Variants in DOCK3 observed in about 807,000 individuals in gnomAD.
The protein encoded by DOCK3 is dedicator of cytokinesis 3.
Under a neutral mutation model 265.6 loss-of-function variants are expected in DOCK3, and 60 were observed. The observed-to-expected ratio is 0.23, with a 90% confidence interval of 0.18 to 0.28. The LOEUF is 0.28. DOCK3 is among the 10% of genes least tolerant of loss of function. The pLI is 1.00. For synonymous variants in DOCK3, 881 were observed against 938.0 expected (o/e 0.94, Z 1.11); for missense variants, 1,981 against 2,594.3 (o/e 0.76, Z 5.14).
chr3:51,361,794 C>A lies in DOCK3; in HGVS notation c.5007-65C>A. 1 of 1,565,424 alleles carries A rather than the reference C, an allele frequency of 6.4e-7. No individual in the cohort carries two copies. Among genetic ancestry groups the A allele is most frequent in the Non-Finnish European group, 8.7e-7 (1 of 1,155,148 alleles). On this transcript the variant is annotated intron_variant, in intron 47 of 52. Transcript: ENST00000266037. The surrounding 1 kb of genome is among the most constrained non-coding windows in gnomAD (Gnocchi z 4.2). The stretch of plus-strand genomic sequence containing the variant: ...AGGGATGACTATTCCACACATTCCG[C>A]TCTACTGTCCCCCTGCCACCTGCCA...
intron 5 of DOCK3, among the ~76,000 whole-genome samples, chr3:51,037,042 A>G (rs1245614251): frequency 6.6e-6 from 1 of 152,126 alleles, no homozygotes; most frequent in Non-Finnish European, 1.5e-5. Context: ...CTTTATCAGC[A>G]CCTTGAAAAT....
At chr3:50,831,680 C>T (rs1295440123) in intron 2 of DOCK3, among the ~76,000 whole-genome samples, 1 of 152,118 alleles carries the variant, frequency 6.6e-6, no homozygotes, top group Non-Finnish European at 1.5e-5. Context: ...AATAGTGCTG[C>T]AATAAACATA....
At chr3:51,159,011 A>G (rs1180631135) in intron 10 of DOCK3, among the ~76,000 whole-genome samples, 1 of 152,226 alleles carries the variant, frequency 6.6e-6, no homozygotes, top group African/African-American at 2.4e-5. Flanking sequence ...TTATTTGTTA[A>G]GTGGTCTAAA....
intron 2 of DOCK3, among the ~76,000 whole-genome samples, chr3:50,822,313 G>A (rs1454743765): frequency 2.0e-5 from 3 of 152,120 alleles, no homozygotes; most frequent in African/African-American, 7.2e-5. Context: ...CAGCCTGGAT[G>A]TTATTGGTGT....
Position 51,383,348 on chromosome 3 carries a change from G to C in DOCK3, c.*1789G>C, listed in dbSNP as rs1316022412. The C allele has an allele frequency of 6.6e-6, 1 of 152,612 alleles. No individual in the cohort carries two copies. The highest frequency in any genetic ancestry group is 1.5e-5 in the Non-Finnish European group (1 of 68,078). The allele number at this position is 152,612 out of a possible 1,614,324, so 9.5% of individuals were successfully genotyped here. On this transcript the variant is annotated 3_prime_UTR_variant, in exon 53 of 53. Coordinates refer to ENST00000266037, the MANE Select transcript of DOCK3 (RefSeq NM_004947.5). ...CTGAGGATATGGGTCAGTTACAGCA[G>C]CCCTCACCTCAAAGGGCTGGCCTGC...
chr3:50,796,390 G>T (rs762724657), intron 2 of DOCK3, among the ~76,000 whole-genome samples: 4 of 150,650 alleles, frequency 2.7e-5, no homozygotes, highest in African/African-American at 9.8e-5. Flanking sequence ...CCAGGCTGGG[G>T]TGCAATGGTG....
At chr3:51,149,066 G>A (rs2085442350) in intron 10 of DOCK3, among the ~76,000 whole-genome samples, 1 of 152,156 alleles carries the variant, frequency 6.6e-6, no homozygotes, top group Admixed American at 6.5e-5. Flanking sequence ...CACATCCCTT[G>A]TAAGTTGGAT....
intron 5 of DOCK3, among the ~76,000 whole-genome samples, chr3:50,938,847 T>A: frequency 6.7e-6 from 1 of 149,698 alleles, no homozygotes; most frequent in Non-Finnish European, 1.5e-5. Flanking sequence ...TGTAAGAAAC[T>A]AAAAAAGGAC....
intron 5 of DOCK3, among the ~76,000 whole-genome samples, chr3:51,015,199 G>T (rs2079103601): frequency 6.6e-6 from 1 of 152,004 alleles, no homozygotes; most frequent in African/African-American, 2.4e-5. Flanking sequence ...GAGCATCCTT[G>T]TCATGTTCCA....
intron 27 of DOCK3, among the ~76,000 whole-genome samples, chr3:51,283,381 C>T (rs1216642585): frequency 6.6e-6 from 1 of 152,184 alleles, no homozygotes. Context: ...TCCTAATTCA[C>T]CAACTCTGGG....
intron 5 of DOCK3, among the ~76,000 whole-genome samples, chr3:51,006,985 G>A (rs931174791): frequency 7.9e-5 from 12 of 152,120 alleles, no homozygotes; most frequent in Admixed American, 7.9e-4. Context: ...AGTATTCCAT[G>A]GCGTATGTGT....
chr3:51,332,061 G>T (rs1389087520), intron 33 of DOCK3, among the ~76,000 whole-genome samples: 1 of 152,220 alleles, frequency 6.6e-6, no homozygotes, highest in Non-Finnish European at 1.5e-5. Context: ...AGTATGCTCT[G>T]TGCAAGGAGA....
chr3:50,765,223 A>T (rs1220995403), intron 1 of DOCK3, among the ~76,000 whole-genome samples: 3 of 151,168 alleles, frequency 2.0e-5, no homozygotes, highest in Non-Finnish European at 4.4e-5. Context: ...CTGGGATTAC[A>T]GGCACGTGCC....
At chr3:50,953,474 A>G (rs989311710) in intron 5 of DOCK3, among the ~76,000 whole-genome samples, 13 of 152,088 alleles carry the variant, frequency 8.5e-5, no homozygotes, top group Admixed American at 4.6e-4. Flanking sequence ...CAGCCTGCCA[A>G]TTGAGAACTC....
chr3:51,345,938 A>AT (rs1287105473), intron 38 of DOCK3, among the ~76,000 whole-genome samples: 1 of 152,242 alleles, frequency 6.6e-6, no homozygotes, highest in Non-Finnish European at 1.5e-5. Context: ...GAATAAGTGA[A>AT]TAGGGTATGA....
chr3:50,693,037 A>G (rs1576118964), intron 1 of DOCK3, among the ~76,000 whole-genome samples: 1 of 152,130 alleles, frequency 6.6e-6, no homozygotes, highest in East Asian at 1.9e-4. Flanking sequence ...ATTTGACAAT[A>G]TATGTGAGGG....
chr3:51,107,889 T>C (rs1295428796), intron 9 of DOCK3, among the ~76,000 whole-genome samples: 1 of 152,186 alleles, frequency 6.6e-6, no homozygotes, highest in African/African-American at 2.4e-5. Context: ...TAAGTCATCA[T>C]ATTCTTCAAG....
At chr3:50,880,215 G>A (rs558849503) in intron 3 of DOCK3, among the ~76,000 whole-genome samples, 5 of 152,218 alleles carry the variant, frequency 3.3e-5, no homozygotes, top group East Asian at 1.9e-4. Flanking sequence ...CATCACAATT[G>A]AAAGAACTAG....
chr3:50,900,599 C>T (rs746195054), intron 4 of DOCK3: 23 of 388,008 alleles, frequency 5.9e-5, no homozygotes, highest in Non-Finnish European at 8.9e-5. Context: ...GGTTTTTCCT[C>T]ATCTTCGTGG....
Sources: allele counts gnomAD v4.1 joint callset (sites outside exome capture counted in the v4.1 genomes callset), GRCh38; gene constraint gnomAD v4.1.1; non-coding constraint Gnocchi (gnomAD v3.1); transcripts MANE v1.5; gene names NCBI Gene and HGNC (gene_info 2026-07-23, HGNC 2026-07-21).